OPCML: variants seen among roughly 807,000 people sequenced by gnomAD.
OPCML encodes the protein opioid-binding protein/cell adhesion molecule.
OPCML carries 13 observed loss-of-function variants against 37.8 expected under a neutral mutation model. The ratio of observed to expected loss-of-function variants is 0.34; its 90% confidence interval spans 0.22 to 0.55. OPCML has a LOEUF of 0.55. OPCML is among the 20% of genes least tolerant of loss of function. OPCML has a pLI of 0.91. For synonymous variants in OPCML, 176 were observed against 168.8 expected, an observed-to-expected ratio of 1.04 and a Z score of -0.33; for missense variants, 341 against 435.6, an observed-to-expected ratio of 0.78 and a Z score of 1.93.
At chr11:132,962,010 C>T (rs2136725139) in intron 1 of OPCML, among the ~76,000 whole-genome samples, 1 of 152,354 alleles carries the variant, frequency 6.6e-6, no homozygotes, top group South Asian at 2.1e-4. Flanking sequence ...ATACATTTGA[C>T]CTAGTTGAGT....
intron 1 of OPCML, chr11:133,066,086 C>A (rs994087852): frequency 6.5e-6 from 1 of 152,718 alleles, no homozygotes; most frequent in African/African-American, 2.4e-5. Context: ...AACAGAGCCG[C>A]CTGCCCAGGA....
chr11:133,276,314 C>T (rs1482710759), intron 1 of OPCML, among the ~76,000 whole-genome samples: 1 of 151,952 alleles, frequency 6.6e-6, no homozygotes, highest in African/African-American at 2.4e-5. Context: ...GAACAGAGAA[C>T]CTGAAAGAGC....
At chr11:133,097,708 T>C (rs1006785321) in intron 1 of OPCML, among the ~76,000 whole-genome samples, 1 of 152,074 alleles carries the variant, frequency 6.6e-6, no homozygotes, top group African/African-American at 2.4e-5. Context: ...CCCATGGACA[T>C]TAAAAGGATA....
At chr11:132,501,200 C>T (rs2096244763) in intron 4 of OPCML, among the ~76,000 whole-genome samples, 1 of 152,182 alleles carries the variant, frequency 6.6e-6, no homozygotes, top group Non-Finnish European at 1.5e-5. Context: ...AAACTGGACC[C>T]TTTCCTTACA....
At chr11:133,012,011 T>A (rs375195537) in intron 1 of OPCML, among the ~76,000 whole-genome samples, 3 of 152,268 alleles carry the variant, frequency 2.0e-5, no homozygotes, top group African/African-American at 7.2e-5. Flanking sequence ...TGGCTGACTG[T>A]GTTTGGATCA....
At chr11:133,483,734 TTAGA>T (rs1345194799) in intron 1 of OPCML, among the ~76,000 whole-genome samples, 2 of 147,804 alleles carry the variant, frequency 1.4e-5, no homozygotes, top group African/African-American at 5.0e-5. Flanking sequence ...AATAGGCAGA[TTAGA>T]TAGATTCATA....
intron 1 of OPCML, among the ~76,000 whole-genome samples, chr11:133,126,820 G>A (rs2137127560): frequency 6.6e-6 from 1 of 152,242 alleles, no homozygotes; most frequent in Middle Eastern, 3.4e-3. Context: ...CGAAGCCATA[G>A]GGACCCACGG....
chr11:133,260,995 G>A (rs1346282853), intron 1 of OPCML, among the ~76,000 whole-genome samples: 2 of 152,176 alleles, frequency 1.3e-5, no homozygotes, highest in African/African-American at 4.8e-5. Flanking sequence ...TGCAGCTCCA[G>A]GTGACCTGGC....
intron 1 of OPCML, chr11:133,005,368 A>G (rs1947089080): frequency 1.0e-6 from 1 of 985,278 alleles, no homozygotes; most frequent in African/African-American, 1.7e-5. Context: ...CATACAGCAA[A>G]TGCCGTTTCT....
intron 4 of OPCML, among the ~76,000 whole-genome samples, chr11:132,501,580 G>A (rs1592273808): frequency 6.6e-6 from 1 of 152,286 alleles, no homozygotes; most frequent in Admixed American, 6.5e-5. Context: ...GGACAGTCTT[G>A]CATGCCAAGA....
chr11:133,453,852 C>T (rs537429131), intron 1 of OPCML, among the ~76,000 whole-genome samples: 22 of 152,210 alleles, frequency 1.4e-4, no homozygotes, highest in East Asian at 1.3e-3. Flanking sequence ...TGAATGTTTG[C>T]GGACAGAGCC....
intron 1 of OPCML, among the ~76,000 whole-genome samples, chr11:132,975,360 G>A (rs1458075523): frequency 6.6e-6 from 1 of 151,394 alleles, no homozygotes; most frequent in East Asian, 1.9e-4. Flanking sequence ...ACCATGCAAA[G>A]TTTTGGAGGA....
At chr11:133,145,740 G>T (rs1949888432) in intron 1 of OPCML, among the ~76,000 whole-genome samples, 2 of 152,290 alleles carry the variant, frequency 1.3e-5, no homozygotes, top group South Asian at 4.1e-4. Context: ...GCCCTGAGCT[G>T]GTGCTGTGCC....
chr11:132,663,411 T>G (rs1456465513), intron 2 of OPCML, among the ~76,000 whole-genome samples: 5 of 152,164 alleles, frequency 3.3e-5, no homozygotes, highest in Admixed American at 6.5e-5. Flanking sequence ...TAGACACACA[T>G]AGAGTCCATG....
At chr11:133,286,206 T>A in intron 1 of OPCML, among the ~76,000 whole-genome samples, 1 of 152,038 alleles carries the variant, frequency 6.6e-6, no homozygotes. Flanking sequence ...ATTCCAGCAC[T>A]TTGGGAGGCC....
At chr11:132,891,245 T>G (rs1943636214) in intron 2 of OPCML, among the ~76,000 whole-genome samples, 1 of 152,184 alleles carries the variant, frequency 6.6e-6, no homozygotes, top group African/African-American at 2.4e-5. Flanking sequence ...TGATAACTAT[T>G]TTTACATCTT....
chr11:133,479,392 G>A (rs1169491197), intron 1 of OPCML, among the ~76,000 whole-genome samples: 1 of 152,180 alleles, frequency 6.6e-6, no homozygotes, highest in Non-Finnish European at 1.5e-5. Flanking sequence ...TTCTTGGGGT[G>A]GGCTCAGCCC....
At chr11:132,715,280 C>T (rs1944428493) in intron 2 of OPCML, among the ~76,000 whole-genome samples, 1 of 152,198 alleles carries the variant, frequency 6.6e-6, no homozygotes, top group Non-Finnish European at 1.5e-5. Context: ...CTACTATGTA[C>T]CAAGTGTCAT....
At chr11:132,758,348 A>T (rs1054347062) in intron 2 of OPCML, among the ~76,000 whole-genome samples, 2 of 152,150 alleles carry the variant, frequency 1.3e-5, no homozygotes, top group Admixed American at 6.5e-5. Flanking sequence ...AAGAAAGTCA[A>T]TGGTAGCTTA....
Sources: gnomAD v4.1 joint callset for allele counts (sites outside exome capture counted in the v4.1 genomes callset) on GRCh38, gnomAD v4.1.1 for gene constraint, MANE v1.5 for transcripts, NCBI Gene and HGNC (gene_info 2026-07-23, HGNC 2026-07-21) for gene names.